The following SHISA9 variants were observed in gnomAD, a reference collection of about 807,000 sequenced individuals.
SHISA9 encodes the protein shisa family member 9.
A neutral mutation model predicts 38.0 loss-of-function variants in SHISA9; 13 were observed. The observed-to-expected ratio is 0.34, with a 90% CI of 0.22 to 0.54. SHISA9 has a LOEUF of 0.54. SHISA9 is among the 20% of genes least tolerant of loss of function. SHISA9 has a pLI of 0.91. For missense variants in SHISA9, 538 were observed against 575.8 expected, an observed-to-expected ratio of 0.93 and a Z score of 0.67; for synonymous variants, 275 against 242.0, an observed-to-expected ratio of 1.14 and a Z score of -1.27.
At chr16:13,505,912 T>C in the SHISA9 span, among the ~76,000 whole-genome samples, 2 of 152,192 alleles carry the variant, frequency 1.3e-5, no homozygotes, top group Non-Finnish European at 2.9e-5. Flanking sequence ...TTGTTTTTCA[T>C]AAACAATATT....
At chr16:13,463,904 T>C in the SHISA9 span, among the ~76,000 whole-genome samples, 4 of 152,276 alleles carry the variant, frequency 2.6e-5, no homozygotes, top group African/African-American at 7.2e-5. Flanking sequence ...TTGACTTTCA[T>C]CTAATTGCTT....
intron 2 of SHISA9, among the ~76,000 whole-genome samples, chr16:12,958,134 C>T (rs2071861310): frequency 6.6e-6 from 1 of 152,218 alleles, no homozygotes; most frequent in African/African-American, 2.4e-5. Context: ...CCCAAATGGG[C>T]CCCGACATCA....
At chr16:13,001,198 G>C (rs1225950001) in intron 2 of SHISA9, among the ~76,000 whole-genome samples, 2 of 152,210 alleles carry the variant, frequency 1.3e-5, no homozygotes, top group Non-Finnish European at 2.9e-5. Flanking sequence ...AAAGTGCTGG[G>C]ATTACAGGCG....
intron 4 of SHISA9, among the ~76,000 whole-genome samples, chr16:13,233,137 G>A (rs1437935417): frequency 3.9e-5 from 6 of 152,104 alleles, no homozygotes; most frequent in Admixed American, 1.3e-4. Context: ...GATATATAGC[G>A]TTAAATAAAA....
chr16:13,292,590 C>A, the SHISA9 span, among the ~76,000 whole-genome samples: 1 of 151,938 alleles, frequency 6.6e-6, no homozygotes, highest in Non-Finnish European at 1.5e-5. Flanking sequence ...GTAATCAAGC[C>A]CAAGTCCCTG....
intron 2 of SHISA9, among the ~76,000 whole-genome samples, chr16:13,109,077 T>C (rs1369031530): frequency 7.2e-5 from 11 of 152,158 alleles, no homozygotes; most frequent in Admixed American, 7.2e-4. Flanking sequence ...TTTTTGTGTG[T>C]GTGTGAATTA....
chr16:13,278,240 C>A, the SHISA9 span, among the ~76,000 whole-genome samples: 1 of 152,090 alleles, frequency 6.6e-6, no homozygotes, highest in Admixed American at 6.6e-5. Flanking sequence ...GTATGTTAAA[C>A]TATCCCTGCA....
At chr16:13,214,741 G>T (rs1356666977) in intron 4 of SHISA9, among the ~76,000 whole-genome samples, 1 of 152,182 alleles carries the variant, frequency 6.6e-6, no homozygotes, top group East Asian at 1.9e-4. Context: ...ATAGCAAAGG[G>T]AGAGCTTGTG....
intron 2 of SHISA9, among the ~76,000 whole-genome samples, chr16:13,043,889 C>G (rs1224655506): frequency 6.6e-6 from 1 of 152,218 alleles, no homozygotes; most frequent in African/African-American, 2.4e-5. Flanking sequence ...GTAACCATGG[C>G]TCACTTCTCT....
At chr16:13,559,471 G>C in the SHISA9 span, among the ~76,000 whole-genome samples, 1 of 151,220 alleles carries the variant, frequency 6.6e-6, no homozygotes, top group South Asian at 2.1e-4. Flanking sequence ...TCAAACTCCT[G>C]GGCTTAGGTC....
At chr16:13,294,603 G>A in the SHISA9 span, among the ~76,000 whole-genome samples, 1 of 152,212 alleles carries the variant, frequency 6.6e-6, no homozygotes, top group African/African-American at 2.4e-5. Context: ...CTTGTTATGT[G>A]CATAGACTTC....
the SHISA9 span, among the ~76,000 whole-genome samples, chr16:13,273,428 T>C: frequency 5.3e-5 from 8 of 152,132 alleles, no homozygotes; most frequent in Admixed American, 5.2e-4. Context: ...GTTCTCCTGA[T>C]AGCGAATAAG....
the SHISA9 span, among the ~76,000 whole-genome samples, chr16:13,532,452 C>G: frequency 1.3e-5 from 2 of 152,086 alleles, no homozygotes; most frequent in Non-Finnish European, 2.9e-5. Context: ...TCAGACTGAC[C>G]TGGGCTTGAA....
chr16:13,281,519 T>A, the SHISA9 span, among the ~76,000 whole-genome samples: 98 of 151,656 alleles, frequency 6.5e-4, no homozygotes, highest in Non-Finnish European at 1.3e-3. Flanking sequence ...TCAACTATTT[T>A]TCTGGTTTTT....
intron 2 of SHISA9, among the ~76,000 whole-genome samples, chr16:13,030,085 G>A (rs539650923): frequency 5.9e-5 from 9 of 152,284 alleles, no homozygotes; most frequent in African/African-American, 9.6e-5. Context: ...GATCAATGTC[G>A]TTTATAATTA....
intron 2 of SHISA9, among the ~76,000 whole-genome samples, chr16:13,155,098 G>A (rs1361027879): frequency 1.3e-5 from 2 of 152,202 alleles, no homozygotes; most frequent in African/African-American, 2.4e-5. Context: ...ATGAACTGGG[G>A]ACAGAATGGC....
chr16:13,054,527 A>T (rs2073288434), intron 2 of SHISA9, among the ~76,000 whole-genome samples: 1 of 152,250 alleles, frequency 6.6e-6, no homozygotes, highest in African/African-American at 2.4e-5. Flanking sequence ...TGGTGAATCA[A>T]AGAGAATGTC....
At chr16:13,008,740 A>G (rs547354015) in intron 2 of SHISA9, among the ~76,000 whole-genome samples, 33 of 145,776 alleles carry the variant, frequency 2.3e-4, no homozygotes, top group Non-Finnish European at 4.3e-4. Context: ...TTTACCTTCC[A>G]CCATGATTGT....
chr16:13,555,356 A>G, the SHISA9 span, among the ~76,000 whole-genome samples: 873 of 152,332 alleles, frequency 5.7e-3, 7 homozygotes, highest in African/African-American at 0.019. Context: ...TTGATAATGA[A>G]TAAAGATGGT....
Sources: gnomAD v4.1 joint callset for allele counts (sites outside exome capture counted in the v4.1 genomes callset) on GRCh38, gnomAD v4.1.1 for gene constraint, MANE v1.5 for transcripts, NCBI Gene and HGNC (gene_info 2026-07-23, HGNC 2026-07-21) for gene names.